The following PRPF31 variants were observed in gnomAD, a reference collection of about 807,000 sequenced individuals.
PRPF31 encodes U4/U6 small nuclear ribonucleoprotein Prp31.
PRPF31 carries 12 observed loss-of-function variants against 60.4 expected under a neutral mutation model. The observed-to-expected ratio is 0.20, with a 90% CI of 0.13 to 0.32. The LOEUF (loss-of-function observed/expected upper bound fraction) is 0.32, where lower values mean the gene tolerates loss of function less well. Among genes scored for constraint, PRPF31 ranks in the 10% least tolerant of loss-of-function variants. The pLI is 1.00. For missense variants in PRPF31, 431 were observed against 687.1 expected, an observed-to-expected ratio of 0.63 and a Z score of 4.17; for synonymous variants, 287 against 287.9, an observed-to-expected ratio of 1.00 and a Z score of 0.03.
chr19:54,122,218 TG>T (rs1346903053), intron 4 of PRPF31: 8 of 620,850 alleles, frequency 1.3e-5, no homozygotes, highest in Non-Finnish European at 2.3e-5. Flanking sequence ...GCGAGGTGAC[TG>T]CCCCACCTCC....
chr19:54,126,999 A>G (rs1047757241), intron 9 of PRPF31, among the ~76,000 whole-genome samples: 2 of 152,292 alleles, frequency 1.3e-5, no homozygotes, highest in South Asian at 2.1e-4. Context: ...ACGCACCTGT[A>G]ATCCCAGTTA....
intron 8 of PRPF31, 70 bp downstream of exon 8, chr19:54,124,726 G>A: frequency 8.4e-6 from 13 of 1,545,056 alleles, no homozygotes; most frequent in Non-Finnish European, 1.2e-5. Context: ...GACAGCCTGA[G>A]CAGCCACCCA....
At chr19:54,125,088 G>A (rs1223650782) in intron 8 of PRPF31, 1 of 289,078 alleles carries the variant, frequency 3.5e-6, no homozygotes, top group Non-Finnish European at 6.8e-6. Context: ...GCCATGGGGA[G>A]AGACACACAG....
intron 3 of PRPF31, among the ~76,000 whole-genome samples, chr19:54,121,371 A>C (rs1198111822): frequency 1.5e-5 from 2 of 132,648 alleles, no homozygotes; most frequent in Non-Finnish European, 3.2e-5. Context: ...TTATGGCTGG[A>C]GTGGAATAAA....
At chr19:54,119,839 TAGG>T (rs1281192902) in intron 3 of PRPF31, 1 of 152,106 alleles carries the variant, frequency 6.6e-6, no homozygotes, top group Non-Finnish European at 1.5e-5. Context: ...CAGGAAGCCA[TAGG>T]AGGTTTCTGG....
At chr19:54,126,278 G>A (rs1002309673) in intron 8 of PRPF31, among the ~76,000 whole-genome samples, 3 of 152,166 alleles carry the variant, frequency 2.0e-5, no homozygotes, top group South Asian at 2.1e-4. Flanking sequence ...CACCGTCCTC[G>A]TTGTCAGCGT....
rs187709773 is a variant in PRPF31, at chr19:54,131,470, G to A, written c.*38G>A. Reference sequence around the variant, plus strand: ...GTCCAAGGTGGCTTCCCACTGAAGGGACACAGAGGTCCAGTCCTTCTGAAG... The same window carrying A: ...GTCCAAGGTGGCTTCCCACTGAAGGAACACAGAGGTCCAGTCCTTCTGAAG... On this transcript the variant is annotated 3_prime_UTR_variant, in exon 14 of 14. Coordinates refer to ENST00000321030, the MANE Select transcript of PRPF31 (RefSeq NM_015629.4). 7 of 1,612,562 alleles carry A rather than the reference G, an allele frequency of 4.3e-6. 1 individual carries two copies. The highest frequency in any genetic ancestry group is 1.3e-5 in the African/African-American group (1 of 75,044).
At chr19:54,127,371 C>T (rs587703050) in intron 9 of PRPF31, among the ~76,000 whole-genome samples, 3 of 152,242 alleles carry the variant, frequency 2.0e-5, no homozygotes, top group Non-Finnish European at 4.4e-5. Flanking sequence ...CTGCTTCTGT[C>T]TTCATATCTC....
intron 5 of PRPF31, chr19:54,122,941 G>A (rs1001790869): frequency 1.0e-5 from 5 of 491,548 alleles, no homozygotes; most frequent in African/African-American, 9.7e-5. Context: ...GCTGGAGAGG[G>A]AACAAGTGGG....
Position 54,124,676 on chromosome 19 carries a change from G to C in PRPF31, c.855+20G>C. ...CCACCGGTGAGCCCACTGCGTCATG[G>C]CCCCTCCCCCGGCCCCCCTGGAGCC... On this transcript the variant is annotated intron_variant, in intron 8 of 13. Coordinates refer to ENST00000321030, the MANE Select transcript of PRPF31 (RefSeq NM_015629.4). The C allele has an allele frequency of 6.2e-7, 1 of 1,610,260 alleles. No homozygotes were observed.
At chr19:54,127,497 T>G (rs2073948499) in intron 9 of PRPF31, among the ~76,000 whole-genome samples, 2 of 151,724 alleles carry the variant, frequency 1.3e-5, no homozygotes, top group South Asian at 4.1e-4. Flanking sequence ...CTTCTTAACC[T>G]CTTCACGTCC....
chr19:54,121,062 C>G (rs1240231629), intron 3 of PRPF31, among the ~76,000 whole-genome samples: 1 of 152,120 alleles, frequency 6.6e-6, no homozygotes, highest in African/African-American at 2.4e-5. Context: ...GTGGTCAAGG[C>G]AGATGGATCA....
At chr19:54,118,057 G>T (rs587660388) in intron 1 of PRPF31, among the ~76,000 whole-genome samples, 1 of 152,312 alleles carries the variant, frequency 6.6e-6, no homozygotes, top group South Asian at 2.1e-4. Context: ...TCTTAGCAAG[G>T]TGGCGGTCAT....
At chr19:54,131,128 C>T (rs938117172) in intron 13 of PRPF31, among the ~76,000 whole-genome samples, 179 bp from the exon 14 acceptor site, 1 of 152,228 alleles carries the variant, frequency 6.6e-6, no homozygotes, top group East Asian at 1.9e-4. Flanking sequence ...TCCCCACCCT[C>T]TCCCTCTAGA....
chr19:54,124,521 C>T lies in PRPF31; in HGVS notation c.720C>T (p.Asn240=), dbSNP rs765517180. The part of the protein sequence containing the change: ...KIMGVAGGLT[N]LSKMPACNIM... ...CAGGTGTGGCCGGCGGCCTGACCAACCTCTCCAAGATGCCCGCCTGCAACA... is the reference window on the plus strand; with the variant it reads ...CAGGTGTGGCCGGCGGCCTGACCAATCTCTCCAAGATGCCCGCCTGCAACA... Residue 240 remains asparagine, a synonymous_variant, in exon 8 of 14, where the codon AAC becomes AAT. Coordinates refer to ENST00000321030, the MANE Select transcript of PRPF31 (RefSeq NM_015629.4). 1 of 1,609,656 alleles carries T rather than the reference C, an allele frequency of 6.2e-7. No individual in the cohort carries two copies. Among genetic ancestry groups the T allele is most frequent in the Non-Finnish European group, 8.5e-7 (1 of 1,179,482 alleles).
intron 8 of PRPF31, chr19:54,125,075 T>G: frequency 3.2e-6 from 1 of 309,478 alleles, no homozygotes; most frequent in East Asian, 8.0e-5. Flanking sequence ...GGGCTGCACA[T>G]CAGCCATGGG....
chr19:54,118,546 T>C (rs759224096), intron 2 of PRPF31, 27 bp from the exon 3 acceptor site: 2 of 1,613,926 alleles, frequency 1.2e-6, no homozygotes, highest in Admixed American at 3.3e-5. Context: ...GAGTGCTGGA[T>C]TCTGACTGTC....
At chr19:54,121,235 G>A (rs955057811) in intron 3 of PRPF31, among the ~76,000 whole-genome samples, 2 of 151,796 alleles carry the variant, frequency 1.3e-5, no homozygotes, top group African/African-American at 2.4e-5. Flanking sequence ...CCCAGGAGGC[G>A]GAGGTTGCAG....
At chr19:54,119,287 C>T (rs190494490) in intron 3 of PRPF31, among the ~76,000 whole-genome samples, 85 of 151,300 alleles carry the variant, frequency 5.6e-4, no homozygotes, top group East Asian at 1.2e-3. Context: ...GAGGCTGAGG[C>T]GGGAGAATGG....
Sources: allele counts gnomAD v4.1 joint callset (sites outside exome capture counted in the v4.1 genomes callset), GRCh38; gene constraint gnomAD v4.1.1; transcripts MANE v1.5; gene names NCBI Gene and HGNC (gene_info 2026-07-23, HGNC 2026-07-21).